The following CLASP1 variants were observed in gnomAD, a reference collection of about 807,000 sequenced individuals.
The protein encoded by CLASP1 is cytoplasmic linker associated protein 1.
CLASP1 carries 38 observed loss-of-function variants against 192.3 expected under a neutral mutation model. The observed-to-expected ratio is 0.20, with a 90% confidence interval of 0.15 to 0.26. CLASP1 has a LOEUF of 0.26. Ranked by LOEUF, CLASP1 falls within the 10% of genes least tolerant of loss-of-function variation. The pLI, the probability that CLASP1 is intolerant of heterozygous loss-of-function variation, is 1.00. For synonymous variants in CLASP1, 691 were observed against 712.8 expected, an observed-to-expected ratio of 0.97 and a Z score of 0.49; for missense variants, 1,433 against 1,932.5, an observed-to-expected ratio of 0.74 and a Z score of 4.85.
At chr2:121,444,898 G>GA (rs1388828272) in intron 19 of CLASP1, 1 of 1,318,342 alleles carries the variant, frequency 7.6e-7, no homozygotes, top group East Asian at 4.7e-5. Context: ...GAGGACCAGA[G>GA]AAAGTGAGAC....
intron 37 of CLASP1, among the ~76,000 whole-genome samples, chr2:121,360,043 T>A (rs2066074514): frequency 6.6e-6 from 1 of 152,206 alleles, no homozygotes; most frequent in Non-Finnish European, 1.5e-5. Context: ...AAATTTCAAT[T>A]TACAGAAATT....
At chr2:121,504,450 T>C (rs2093874943) in intron 7 of CLASP1, among the ~76,000 whole-genome samples, 1 of 152,180 alleles carries the variant, frequency 6.6e-6, no homozygotes, top group Non-Finnish European at 1.5e-5. Context: ...TGAGCTACAT[T>C]CTTTTGGTAT....
intron 1 of CLASP1, among the ~76,000 whole-genome samples, chr2:121,613,899 T>C (rs763209549): frequency 2.0e-5 from 3 of 152,244 alleles, no homozygotes; most frequent in African/African-American, 4.8e-5. Context: ...GATCTTGTGC[T>C]AGTCTTTCCT....
At chr2:121,446,580 G>C (rs1386499173) in intron 19 of CLASP1, among the ~76,000 whole-genome samples, 2 of 152,172 alleles carry the variant, frequency 1.3e-5, no homozygotes, top group Non-Finnish European at 2.9e-5. Context: ...TAAGTCCCTA[G>C]ATTTTGGCTT....
chr2:121,578,900 A>G (rs1276199535), intron 2 of CLASP1, among the ~76,000 whole-genome samples: 1 of 152,194 alleles, frequency 6.6e-6, no homozygotes, highest in Admixed American at 6.5e-5. Flanking sequence ...ACACTTATAC[A>G]CTTTCCCTCT....
Position 121,556,270 on chromosome 2 carries a change from A to G in CLASP1, c.196-25945T>C, listed in dbSNP as rs755449241. Among the ~76,000 whole-genome samples, 28 of 151,984 alleles carry G rather than the reference A, an allele frequency of 1.8e-4. 1 individual carries two copies. The highest frequency in any genetic ancestry group is 2.9e-4 in the Non-Finnish European group (20 of 67,966). On this transcript the variant is annotated intron_variant, in intron 2 of 39. Coordinates refer to ENST00000263710, the Ensembl canonical transcript of CLASP1. ...CAAAGTGCTGGGATTATAGGTGTGAACCACCATGCCCAGCCACAGAATGTC... is the reference window on the plus strand; with the variant it reads ...CAAAGTGCTGGGATTATAGGTGTGAGCCACCATGCCCAGCCACAGAATGTC...
chr2:121,623,136 C>A (rs550111736), intron 1 of CLASP1, among the ~76,000 whole-genome samples: 3 of 152,244 alleles, frequency 2.0e-5, no homozygotes, highest in South Asian at 4.1e-4. Context: ...GGACAGCATT[C>A]TGTCTTTCAT....
chr2:121,522,128 G>A (rs962706685), intron 6 of CLASP1, among the ~76,000 whole-genome samples: 3 of 152,162 alleles, frequency 2.0e-5, no homozygotes, highest in Admixed American at 1.3e-4. Context: ...CTGTGTATGT[G>A]TGTGTGTGCG....
Position 121,397,419 on chromosome 2 carries a change from T to C in CLASP1, c.2980-136A>G, listed in dbSNP as rs2075468819. The C allele has an allele frequency of 4.2e-6, 3 of 719,850 alleles. No homozygotes were observed. The East Asian group carries it at 8.1e-5, about 20-fold the overall frequency. The allele number at this position is 719,850 out of a possible 1,614,324, so 44.6% of individuals were successfully genotyped here. ...TTCTCCTGTATCGATAGTTTCCACG[T>C]GGAGCGACATCCAACAGAGGAAAAA... On this transcript the variant is annotated intron_variant, in intron 29 of 39. Coordinates refer to ENST00000263710, the Ensembl canonical transcript of CLASP1.
intron 8 of CLASP1, among the ~76,000 whole-genome samples, chr2:121,492,172 G>C (rs934451826): frequency 6.6e-6 from 1 of 151,996 alleles, no homozygotes; most frequent in Non-Finnish European, 1.5e-5. Flanking sequence ...GGTAGATCAC[G>C]AGGTCAGGAG....
intron 14 of CLASP1, among the ~76,000 whole-genome samples, chr2:121,456,552 A>G (rs1238066010): frequency 2.0e-5 from 3 of 151,936 alleles, no homozygotes; most frequent in Non-Finnish European, 2.9e-5. Context: ...AAAGGAAGAA[A>G]AAGAAAAGGG....
rs916423946 is a variant in CLASP1 at position 121,460,342 on chromosome 2, GAC to G, written c.1033-219_1033-218del. On this transcript the variant is annotated intron_variant, in intron 11 of 39. Coordinates refer to ENST00000263710, the Ensembl canonical transcript of CLASP1. ...AATAATTTTTAACTAGAGTATTTGT[GAC>G]ACATATACTATAATTTCTGCAAAAA... is the stretch of plus-strand genomic sequence containing the variant. Among the ~76,000 whole-genome samples, 25 of 152,126 alleles carry G rather than the reference GAC, an allele frequency of 1.6e-4. 1 individual carries two copies. Among genetic ancestry groups the G allele is most frequent in the African/African-American group, 5.8e-4 (24 of 41,492 alleles).
intron 1 of CLASP1, among the ~76,000 whole-genome samples, chr2:121,610,158 T>C (rs1053517142): frequency 1.3e-5 from 2 of 152,070 alleles, no homozygotes; most frequent in Admixed American, 1.3e-4. Flanking sequence ...GGAAAAAGGA[T>C]GACGTGGAGG....
chr2:121,647,995 T>G (rs571878377), intron 1 of CLASP1, among the ~76,000 whole-genome samples: 2 of 152,356 alleles, frequency 1.3e-5, no homozygotes, highest in African/African-American at 4.8e-5. Flanking sequence ...TATTACACAA[T>G]TTAACAAGAT....
At chr2:121,630,002 C>T (rs1294510993) in intron 1 of CLASP1, among the ~76,000 whole-genome samples, 1 of 151,900 alleles carries the variant, frequency 6.6e-6, no homozygotes, top group Non-Finnish European at 1.5e-5. Context: ...CTCACTGCAA[C>T]CTTCGCCTCC....
intron 37 of CLASP1, among the ~76,000 whole-genome samples, chr2:121,352,459 C>T (rs2064644535): frequency 6.6e-6 from 1 of 152,208 alleles, no homozygotes; most frequent in African/African-American, 2.4e-5. Context: ...CACCTGAAAG[C>T]AGAGTGCTGT....
chr2:121,584,803 A>T (rs139433775), intron 2 of CLASP1, among the ~76,000 whole-genome samples: 2 of 152,280 alleles, frequency 1.3e-5, no homozygotes, highest in East Asian at 3.9e-4. Flanking sequence ...ATGACAAATA[A>T]ACTGTTTATC....
intron 2 of CLASP1, among the ~76,000 whole-genome samples, chr2:121,536,591 C>A (rs962535645): frequency 6.6e-6 from 1 of 152,002 alleles, no homozygotes; most frequent in Non-Finnish European, 1.5e-5. Context: ...AATGGAGTCT[C>A]CTGGTCTACC....
chr2:121,571,978 A>G (rs919267778), intron 2 of CLASP1, among the ~76,000 whole-genome samples: 6 of 152,136 alleles, frequency 3.9e-5, no homozygotes, highest in Non-Finnish European at 5.9e-5. Flanking sequence ...CAAAAAAAAA[A>G]AGAGAGAGGA....
Sources: gnomAD v4.1 joint callset for allele counts (sites outside exome capture counted in the v4.1 genomes callset) on GRCh38, gnomAD v4.1.1 for gene constraint, MANE v1.5 for transcripts, NCBI Gene and HGNC (gene_info 2026-07-23, HGNC 2026-07-21) for gene names.